The following TEDC2 variants were observed in gnomAD, a reference collection of about 807,000 sequenced individuals.
The protein encoded by TEDC2 is tubulin epsilon and delta complex 2, also known as tubulin epsilon and delta complex protein 2.
In TEDC2, 49 loss-of-function variants were observed where a neutral mutation model predicts 48.1. The ratio of observed to expected loss-of-function variants is 1.02; its 90% confidence interval spans 0.81 to 1.29. The LOEUF is 1.29. TEDC2 is among the 50% of genes most tolerant of loss of function. The pLI is 0.00. For missense variants in TEDC2, 631 were observed against 571.4 expected, an observed-to-expected ratio of 1.10 and a Z score of -1.06; for synonymous variants, 299 against 247.1, an observed-to-expected ratio of 1.21 and a Z score of -1.97.
chr16:2,464,239 G>T lies in TEDC2; in HGVS notation c.1155+10G>T. 6.2e-7 allele frequency: 1 copy of T among 1,609,876 alleles called. No homozygotes were observed. Among genetic ancestry groups the T allele is most frequent in the Non-Finnish European group, 8.5e-7 (1 of 1,178,592 alleles). Reference sequence around the variant, plus strand: ...GATCCACTTGGAAAAGGTGCTTCTGGAAGAGGAGGTGGGGGTGCAACAGAG... The same window carrying T: ...GATCCACTTGGAAAAGGTGCTTCTGTAAGAGGAGGTGGGGGTGCAACAGAG... On this transcript the variant is annotated intron_variant, in intron 9 of 9. Transcript: ENST00000361837.
chr16:2,462,808 G>T, intron 8 of TEDC2, 76 bp downstream of exon 8: 1 of 1,362,092 alleles, frequency 7.3e-7, no homozygotes, highest in South Asian at 1.4e-5. Flanking sequence ...AGGCTTGTCT[G>T]CGCCTCAGGG....
chr16:2,464,269 G>C (rs62621760), intron 9 of TEDC2, 40 bp downstream of exon 9: 61,571 of 1,589,958 alleles, frequency 0.039, 1,451 homozygotes, highest in South Asian at 0.083. Flanking sequence ...ACAGAGGTCC[G>C]CAGCCTTGAG....
At position 2,460,931 on chromosome 16, in the gene TEDC2, C is replaced by T; in HGVS notation, c.312C>T (p.Pro104=). ...ITKAGERDKA[P]SLKSRSIVTS... is the part of the protein sequence containing the mutation. ...AGGCCGGAGAGAGAGACAAGGCCCCCAGCCTGAAATCTAGGTCCATTGTCA... is the reference window on the plus strand; with the variant it reads ...AGGCCGGAGAGAGAGACAAGGCCCCTAGCCTGAAATCTAGGTCCATTGTCA... Residue 104 remains proline (P), a synonymous_variant, in exon 4 of 10, where the codon CCC becomes CCT. Coordinates refer to ENST00000361837, the MANE Select transcript of TEDC2 (RefSeq NM_025108.3). The T allele has an allele frequency of 6.2e-7, 1 of 1,613,592 alleles. No homozygotes were observed. The highest frequency in any genetic ancestry group is 1.7e-5 in the Admixed American group (1 of 60,022).
At chr16:2,460,567 C>T in intron 2 of TEDC2, 56 bp from the exon 3 acceptor site, 5 of 1,602,982 alleles carry the variant, frequency 3.1e-6, no homozygotes, top group Non-Finnish European at 4.3e-6. Context: ...CCCCTCGGGT[C>T]TGTTTGGGCT....
chr16:2,464,324 G>C lies in TEDC2; in HGVS notation c.1155+95G>C, dbSNP rs111815304. ...GACTGCTCCACCCCCCAGGACCCAGGAGGATGGGGGCAAGCCTGGGGTCTG... is the reference window on the plus strand; with the variant it reads ...GACTGCTCCACCCCCCAGGACCCAGCAGGATGGGGGCAAGCCTGGGGTCTG... On this transcript the variant is annotated intron_variant, in intron 9 of 9. Transcript: ENST00000361837. The C allele has an allele frequency of 9.7e-5, 142 of 1,466,502 alleles. No homozygotes were observed. The African/African-American group carries it at 1.4e-3, about 14-fold the overall frequency. The allele number at this position is 1,466,502 out of a possible 1,614,324, so 90.8% of individuals were successfully genotyped here.
At position 2,464,704 on chromosome 16, in the gene TEDC2, G is replaced by A. The variant is rs201351743; in HGVS notation, c.*36G>A. 25 of 1,611,106 alleles carry A rather than the reference G, an allele frequency of 1.6e-5. No individual in the cohort carries two copies. The African/African-American group carries it at 2.5e-4, about 16-fold the overall frequency. On this transcript the variant is annotated 3_prime_UTR_variant, in exon 10 of 10. Coordinates refer to ENST00000361837, the MANE Select transcript of TEDC2 (RefSeq NM_025108.3). The stretch of plus-strand genomic sequence containing the variant: ...TGCTGCCCTCGGCCTGTTCAGATGG[G>A]GATTGGGGGTGTCTTCCCTGGCACT...
chr16:2,460,127 G>C lies in TEDC2; in HGVS notation c.-18G>C. 7.4e-7 allele frequency: 1 copy of C among 1,349,254 alleles called. No homozygotes were observed. Among genetic ancestry groups the C allele is most frequent in the East Asian group, 3.1e-5 (1 of 32,488 alleles). 83.6% of individuals were successfully genotyped at this position (1,349,254 alleles called of 1,614,324 possible). On this transcript the variant is annotated 5_prime_UTR_variant, in exon 1 of 10. Transcript: ENST00000361837. ...GCTCTTCAGAGGCGGCAAATTGCAA[G>C]GAGACGCCGCCGCCTTCATGCTGCC...
chr16:2,461,117 T>G lies in TEDC2; in HGVS notation c.498T>G (p.Val166=), dbSNP rs1567395062. 1 of 1,574,536 alleles carries G rather than the reference T, an allele frequency of 6.4e-7. No individual in the cohort carries two copies. The highest frequency in any genetic ancestry group is 2.3e-5 in the East Asian group (1 of 44,444). The part of the protein sequence containing the change: ...RLLSVGDGTR[V]GMGARTPRPG... ...TGTCAGTGGGGGATGGGACCCGTGT[T>G]GGGATGGGAGCCCGAACCCCCAGGC... The change falls in exon 4 of 10, where the codon GTT becomes GTG. Residue 166 remains valine (V), a synonymous_variant. Coordinates refer to ENST00000361837, the MANE Select transcript of TEDC2 (RefSeq NM_025108.3).
At chr16:2,461,938 C>G (rs1332752150) in intron 5 of TEDC2, 138 bp downstream of exon 5, 2 of 1,259,184 alleles carry the variant, frequency 1.6e-6, no homozygotes, top group Non-Finnish European at 2.3e-6. Context: ...TGTTAAAAAT[C>G]TGCCAGCCGG....
Position 2,464,922 on chromosome 16 carries a change from C to A in TEDC2, c.*254C>A. ...CCCTCTGTTTTCTCTCACTGTAGAC[C>A]AAAGAGCCGCTTGTGTGATATTAAA... On this transcript the variant is annotated 3_prime_UTR_variant, in exon 10 of 10. Transcript: ENST00000361837. 3.7e-6 allele frequency: 2 copies of A among 537,578 alleles called. No homozygotes were observed. The highest frequency in any genetic ancestry group is 2.2e-5 in the South Asian group (1 of 45,844). 33.3% of individuals were successfully genotyped at this position (537,578 alleles called of 1,614,324 possible). A position where few individuals can be genotyped will look rare whatever the true frequency, so the allele number is the denominator to read the frequency against.
rs748193833 is a variant in TEDC2 at position 2,462,251 on chromosome 16, G to C, written c.750+12G>C. On this transcript the variant is annotated intron_variant, in intron 6 of 9. Coordinates refer to ENST00000361837, the MANE Select transcript of TEDC2 (RefSeq NM_025108.3). ...ACATGCAGACAGCTGTATCCTTGCT[G>C]GGCTTGTGGGAGCCCTGGGGGCCTC... 2 of 1,612,824 alleles carry C rather than the reference G, an allele frequency of 1.2e-6. No individual in the cohort carries two copies. Among genetic ancestry groups the C allele is most frequent in the Non-Finnish European group, 1.7e-6 (2 of 1,179,914 alleles).
intron 5 of TEDC2, 136 bp downstream of exon 5, chr16:2,461,936 A>G: frequency 7.9e-7 from 1 of 1,272,136 alleles, no homozygotes; most frequent in Non-Finnish European, 1.1e-6. Context: ...GATGTTAAAA[A>G]TCTGCCAGCC....
Position 2,464,528 on chromosome 16 carries a change from A to C in TEDC2, c.1162A>C (p.Met388Leu), listed in dbSNP as rs781292819. The C allele has an allele frequency of 6.4e-7, 1 of 1,568,672 alleles. No individual in the cohort carries two copies. The highest frequency in any genetic ancestry group is 8.6e-7 in the Non-Finnish European group (1 of 1,164,792). ...TGCCCTGCCCTGCCCCCAGGTCCTG[A>C]TGGCTGAACTCCTCCCCCTGGTAAG... ...DQQIHLEKVL[M>L]AELLPLVSAA... Residue 388 changes from methionine (M) to leucine (L), a missense_variant, in exon 10 of 10, where the codon ATG becomes CTG. Coordinates refer to ENST00000361837, the MANE Select transcript of TEDC2 (RefSeq NM_025108.3).
chr16:2,461,287 A>G (rs1403444750), intron 4 of TEDC2, 63 bp downstream of exon 4: 1 of 1,426,892 alleles, frequency 7.0e-7, no homozygotes, highest in Admixed American at 3.0e-5. Context: ...CCTGGCTAGC[A>G]AGGAGCCTGG....
chr16:2,463,689 G>A (rs568179252), intron 8 of TEDC2, among the ~76,000 whole-genome samples: 1 of 152,052 alleles, frequency 6.6e-6, no homozygotes, highest in South Asian at 2.1e-4. Flanking sequence ...GACTCGCCTG[G>A]GATTGCGTGA....
At position 2,464,861 on chromosome 16, in the gene TEDC2, T is replaced by C; in HGVS notation, c.*193T>C. ...TGGCTTTCAGCCTTCCTAAGGCTCC[T>C]GGACTCCAGAGGCCAGCGGGGAGCC... On this transcript the variant is annotated 3_prime_UTR_variant, in exon 10 of 10. Transcript: ENST00000361837. The C allele has an allele frequency of 1.4e-6, 1 of 739,396 alleles. No homozygotes were observed. The highest frequency in any genetic ancestry group is 2.8e-5 in the East Asian group (1 of 35,500). 45.8% of individuals were successfully genotyped at this position (739,396 alleles called of 1,614,324 possible).
intron 2 of TEDC2, 25 bp from the exon 3 acceptor site, chr16:2,460,598 G>T: frequency 6.2e-7 from 1 of 1,612,154 alleles, no homozygotes; most frequent in African/African-American, 1.3e-5. Flanking sequence ...TCCTGGCCGT[G>T]CGACGGCTGC....
chr16:2,464,073 G>A lies in TEDC2; in HGVS notation c.999G>A (p.Val333=). ...AACAGCCACCAAGACCATGTCCTGTGGGGAGGCCCCCCGGAGCCTCGCCGT... is the reference window on the plus strand; with the variant it reads ...AACAGCCACCAAGACCATGTCCTGTAGGGAGGCCCCCCGGAGCCTCGCCGT... ...VAEQPPRPCP[V]GRPPGASPSC... The change falls in exon 9 of 10, where the codon GTG becomes GTA. Residue 333 remains valine, a synonymous_variant. Coordinates refer to ENST00000361837, the MANE Select transcript of TEDC2 (RefSeq NM_025108.3). The A allele has an allele frequency of 6.2e-7, 1 of 1,612,838 alleles. No individual in the cohort carries two copies.
At chr16:2,462,346 C>G in intron 6 of TEDC2, 69 bp from the exon 7 acceptor site, 1 of 1,603,764 alleles carries the variant, frequency 6.2e-7, no homozygotes, top group Middle Eastern at 1.8e-4. Context: ...AGGGCCACTC[C>G]CCAGGCCCCG....
Sources: gnomAD v4.1 joint callset for allele counts (sites outside exome capture counted in the v4.1 genomes callset) on GRCh38, gnomAD v4.1.1 for gene constraint, MANE v1.5 for transcripts, NCBI Gene and HGNC (gene_info 2026-07-23, HGNC 2026-07-21) for gene names.